Variants in ADIPOR2 observed in about 807,000 individuals in gnomAD.
ADIPOR2 encodes the protein adiponectin receptor 2.
ADIPOR2 carries 18 observed loss-of-function variants against 40.9 expected under a neutral mutation model. The observed-to-expected ratio is 0.44, with a 90% CI of 0.30 to 0.65. The LOEUF is 0.65. Among genes scored for constraint, ADIPOR2 ranks in the 30% least tolerant of loss-of-function variants. The probability of loss-of-function intolerance (pLI) is 0.09; values close to 1 mark genes in which losing one functional copy is unlikely to be tolerated. For synonymous variants in ADIPOR2, 165 were observed against 166.4 expected, an observed-to-expected ratio of 0.99 and a Z score of 0.06; for missense variants, 283 against 479.2, an observed-to-expected ratio of 0.59 and a Z score of 3.82.
intron 3 of ADIPOR2, among the ~76,000 whole-genome samples, chr12:1,776,870 GA>G (rs1433361641): frequency 6.6e-6 from 1 of 152,232 alleles, no homozygotes; most frequent in Non-Finnish European, 1.5e-5. Flanking sequence ...ACTAATTCAT[GA>G]AATGCTTTGT....
chr12:1,701,459 A>G (rs925548969), intron 1 of ADIPOR2, among the ~76,000 whole-genome samples: 1 of 152,142 alleles, frequency 6.6e-6, no homozygotes, highest in South Asian at 2.1e-4. Flanking sequence ...TAATTACTAC[A>G]TGGGTATATA....
chr12:1,757,568 G>A lies in ADIPOR2; in HGVS notation c.171+3054G>A, dbSNP rs975732930. 8 of 980,074 alleles carry A rather than the reference G, an allele frequency of 8.2e-6. No homozygotes were observed. In the African/African-American group the frequency reaches 1.1e-4, roughly 14 times the overall value. 60.7% of individuals were successfully genotyped at this position (980,074 alleles called of 1,614,324 possible). A position where few individuals can be genotyped will look rare whatever the true frequency, so the allele number is the denominator to read the frequency against. The stretch of plus-strand genomic sequence containing the variant: ...GAATGGTATCATTCACCTTGATGAG[G>A]GAATCAGGGTAGCGGATGGTGCCGG... On this transcript the variant is annotated intron_variant, in intron 2 of 7. Coordinates refer to ENST00000357103, the MANE Select transcript of ADIPOR2 (RefSeq NM_024551.3).
intron 1 of ADIPOR2, among the ~76,000 whole-genome samples, chr12:1,716,117 A>G (rs764399526): frequency 3.3e-5 from 5 of 152,222 alleles, no homozygotes; most frequent in Non-Finnish European, 4.4e-5. Flanking sequence ...CAGCGAGTCC[A>G]TGAACCCACT....
chr12:1,711,613 CCTCTCT>C (rs3052417), intron 1 of ADIPOR2, among the ~76,000 whole-genome samples: 4,063 of 149,830 alleles, frequency 0.027, 198 homozygotes, highest in African/African-American at 0.094. Flanking sequence ...TTTGTCTCTT[CCTCTCT>C]CTCTCTCTCT....
At chr12:1,737,387 A>G (rs1470146157) in intron 1 of ADIPOR2, among the ~76,000 whole-genome samples, 2 of 152,230 alleles carry the variant, frequency 1.3e-5, no homozygotes, top group African/African-American at 4.8e-5. Flanking sequence ...ATACATGTTA[A>G]TTATCAGGGT....
At chr12:1,767,430 G>A (rs1437946558) in intron 2 of ADIPOR2, among the ~76,000 whole-genome samples, 3 of 151,986 alleles carry the variant, frequency 2.0e-5, no homozygotes, top group Non-Finnish European at 4.4e-5. Context: ...AGATATTATA[G>A]TTATTCTTTT....
At chr12:1,698,227 TG>T (rs2094643252) in intron 1 of ADIPOR2, among the ~76,000 whole-genome samples, 1 of 138,896 alleles carries the variant, frequency 7.2e-6, no homozygotes, top group Non-Finnish European at 1.5e-5. Flanking sequence ...TGTGTGTGTG[TG>T]TGTGTGTGTG....
chr12:1,772,768 A>G (rs2154444177), intron 2 of ADIPOR2, 74 bp from the exon 3 acceptor site: 16 of 1,493,820 alleles, frequency 1.1e-5, no homozygotes, highest in Non-Finnish European at 1.4e-5. Context: ...TTATAATTCC[A>G]CAAGGGAAAT....
intron 1 of ADIPOR2, among the ~76,000 whole-genome samples, chr12:1,753,749 G>T (rs1205526303): frequency 1.3e-5 from 2 of 152,126 alleles, no homozygotes; most frequent in Non-Finnish European, 1.5e-5. Context: ...GTTTAAATGA[G>T]ATTGGATATG....
Position 1,786,258 on chromosome 12 carries a change from C to T in ADIPOR2, c.*186C>T, listed in dbSNP as rs1862833037. 3 of 668,122 alleles carry T rather than the reference C, an allele frequency of 4.5e-6. No individual in the cohort carries two copies. The highest frequency in any genetic ancestry group is 7.1e-6 in the Non-Finnish European group (3 of 423,564). The allele number at this position is 668,122 out of a possible 1,614,324, so 41.4% of individuals were successfully genotyped here. ...AGAGAAAAACAAAAATAAATCATAC[C>T]TCAAAGGATGGAGTGCATCAATTGG... On this transcript the variant is annotated 3_prime_UTR_variant, in exon 8 of 8. Transcript: ENST00000357103.
chr12:1,749,257 C>T (rs1003779909), intron 1 of ADIPOR2, among the ~76,000 whole-genome samples: 2 of 152,152 alleles, frequency 1.3e-5, no homozygotes, highest in African/African-American at 4.8e-5. Context: ...ACCCTGTCCT[C>T]TTGGGTTTTT....
chr12:1,732,934 A>G (rs944311028), intron 1 of ADIPOR2, among the ~76,000 whole-genome samples: 1 of 152,104 alleles, frequency 6.6e-6, no homozygotes, highest in African/African-American at 2.4e-5. Flanking sequence ...GTATTGCTTT[A>G]GGATAAAATT....
intron 2 of ADIPOR2, among the ~76,000 whole-genome samples, chr12:1,769,745 T>C (rs989843415): frequency 1.3e-5 from 2 of 152,142 alleles, no homozygotes; most frequent in Non-Finnish European, 2.9e-5. Flanking sequence ...TTTCACCACG[T>C]TGGCCAGGCT....
chr12:1,697,346 G>A (rs941378354), intron 1 of ADIPOR2: 1 of 152,296 alleles, frequency 6.6e-6, no homozygotes, highest in African/African-American at 2.4e-5. Flanking sequence ...TAGGTCTCTT[G>A]TCACTTTATC....
intron 1 of ADIPOR2, among the ~76,000 whole-genome samples, chr12:1,708,057 G>A (rs1341264676): frequency 2.0e-5 from 3 of 151,090 alleles, no homozygotes; most frequent in South Asian, 2.1e-4. Flanking sequence ...AACAATATGC[G>A]AATAAAAAAT....
chr12:1,784,206 G>A (rs1862784391), intron 7 of ADIPOR2, 133 bp downstream of exon 7: 1 of 983,312 alleles, frequency 1.0e-6, no homozygotes, highest in African/African-American at 1.7e-5. Context: ...TCCCTATTGA[G>A]CTTTCTCTGG....
At chr12:1,736,141 A>G (rs1435858359) in intron 1 of ADIPOR2, among the ~76,000 whole-genome samples, 10 of 151,950 alleles carry the variant, frequency 6.6e-5, no homozygotes, top group African/African-American at 7.3e-5. Context: ...CTCTTTTTCT[A>G]TTGATTGGAA....
At chr12:1,730,449 C>G (rs1269574516) in intron 1 of ADIPOR2, among the ~76,000 whole-genome samples, 1 of 151,284 alleles carries the variant, frequency 6.6e-6, no homozygotes, top group Non-Finnish European at 1.5e-5. Context: ...AACCTCGTCT[C>G]TACTAAAAAT....
At chr12:1,757,322 T>C in intron 2 of ADIPOR2, 1 of 679,046 alleles carries the variant, frequency 1.5e-6, no homozygotes, top group Non-Finnish European at 2.7e-6. Flanking sequence ...GAGAAGTCTG[T>C]GGTTTGTTGC....
Sources: allele counts gnomAD v4.1 joint callset (sites outside exome capture counted in the v4.1 genomes callset), GRCh38; gene constraint gnomAD v4.1.1; transcripts MANE v1.5; gene names NCBI Gene and HGNC (gene_info 2026-07-23, HGNC 2026-07-21).